The following COL6A2 variants were observed in gnomAD, a reference collection of about 807,000 sequenced individuals.
COL6A2 encodes the protein collagen alpha-2(VI) chain.
A neutral mutation model predicts 124.9 loss-of-function variants in COL6A2; 90 were observed. That is an observed-to-expected ratio of 0.72 (90% confidence interval 0.61 to 0.86). The LOEUF (loss-of-function observed/expected upper bound fraction) is 0.86, where lower values mean the gene tolerates loss of function less well. Ranked by LOEUF, COL6A2 falls within the 40% of genes least tolerant of loss-of-function variation. The pLI, the probability that COL6A2 is intolerant of heterozygous loss-of-function variation, is 0.00. For missense variants in COL6A2, 1,607 were observed against 1,502.5 expected (o/e 1.07, Z -1.15); for synonymous variants, 793 against 618.2 (o/e 1.28, Z -4.19).
chr21:46,124,519 T>TA (rs2078628397), intron 21 of COL6A2, 132 bp from the exon 22 acceptor site: 13 of 785,182 alleles, frequency 1.7e-5, no homozygotes, highest in Non-Finnish European at 2.8e-5. Context: ...AGCCTTGTCT[T>TA]ACTCCTTGCA....
intron 1 of COL6A2, among the ~76,000 whole-genome samples, chr21:46,110,163 C>T (rs2078379522): frequency 6.6e-6 from 1 of 152,210 alleles, no homozygotes; most frequent in Non-Finnish European, 1.5e-5. Context: ...CACCACCCGG[C>T]CCGGCCCCAT....
chr21:46,122,079 A>C, intron 18 of COL6A2, 29 bp from the exon 19 acceptor site: 3 of 1,611,878 alleles, frequency 1.9e-6, no homozygotes, highest in Non-Finnish European at 2.5e-6. Flanking sequence ...TCCTATGACC[A>C]TGCTGACCGA....
chr21:46,126,590 T>C (rs1280213482), intron 27 of COL6A2, 49 bp downstream of exon 27: 1 of 1,608,986 alleles, frequency 6.2e-7, no homozygotes, highest in Non-Finnish European at 8.5e-7. Flanking sequence ...AAAGCAGCCC[T>C]GGTGTCCTTC....
In COL6A2 at chr21:46,125,618, G is replaced by A. The variant is rs2078651031; in HGVS notation, c.1969+1G>A. On this transcript the variant is annotated splice_donor_variant, in intron 25 of 27. Coordinates refer to ENST00000300527, the MANE Select transcript of COL6A2 (RefSeq NM_001849.4). LOFTEE classifies it high-confidence loss of function. Reference sequence around the variant, plus strand: ...GCTAAGGACCCCAAGTCCGAGACAGGTCAGCGGGGCAGGGGCGGGTGCAGC... The same window carrying A: ...GCTAAGGACCCCAAGTCCGAGACAGATCAGCGGGGCAGGGGCGGGTGCAGC... The A allele has an allele frequency of 6.2e-7, 1 of 1,612,266 alleles. No individual in the cohort carries two copies. Among genetic ancestry groups the A allele is most frequent in the South Asian group, 1.1e-5 (1 of 91,042 alleles).
At chr21:46,131,481 C>T (rs1306477593) in intron 27 of COL6A2, among the ~76,000 whole-genome samples, 2 of 152,226 alleles carry the variant, frequency 1.3e-5, no homozygotes, top group African/African-American at 4.8e-5. Flanking sequence ...AGGGACGTGG[C>T]CCAGCCAGCT....
intron 16 of COL6A2, 97 bp downstream of exon 16, chr21:46,120,674 G>C: frequency 8.3e-7 from 1 of 1,205,292 alleles, no homozygotes; most frequent in South Asian, 1.6e-5. Context: ...TGCACCCCAA[G>C]GTAGGGGACC....
chr21:46,121,612 C>T lies in COL6A2; in HGVS notation c.1515C>T (p.Gly505=). Residue 505 remains glycine (G), a synonymous_variant, in exon 18 of 28, where the codon GGC becomes GGT. Coordinates refer to ENST00000300527, the MANE Select transcript of COL6A2 (RefSeq NM_001849.4). The stretch of plus-strand genomic sequence containing the variant: ...CCCGTGGAGACTCAGGACAGCCAGG[C>T]CCCAAGGTACGTGCCCCTCCCCCAG... ...AGPRGDSGQP[G]PKGDPGRPGF... is the part of the protein sequence containing the mutation. The T allele has an allele frequency of 6.2e-7, 1 of 1,612,720 alleles. No homozygotes were observed. Among genetic ancestry groups the T allele is most frequent in the South Asian group, 1.1e-5 (1 of 91,080 alleles).
chr21:46,113,833 A>G, intron 4 of COL6A2, 175 bp from the exon 5 acceptor site: 5 of 685,456 alleles, frequency 7.3e-6, no homozygotes, highest in Non-Finnish European at 1.3e-5. Flanking sequence ...ATGGGGGCAG[A>G]GCCTCACAGC....
chr21:46,112,768 G>A lies in COL6A2; in HGVS notation c.715-36G>A, dbSNP rs779937934. On this transcript the variant is annotated intron_variant, in intron 3 of 27. Coordinates refer to ENST00000300527, the MANE Select transcript of COL6A2 (RefSeq NM_001849.4). ...AGGTGCAGCCGCCCCAGGTCTCGAG[G>A]CACACGGCTAACCAGCATGTCTGTC... The A allele has an allele frequency of 2.5e-6, 4 of 1,613,640 alleles. No individual in the cohort carries two copies. The East Asian group carries it at 6.7e-5, about 27-fold the overall frequency.
rs1357498569 is a variant in COL6A2, at chr21:46,119,818, A to G, written c.1300A>G (p.Ser434Gly). 1 of 1,564,188 alleles carries G rather than the reference A, an allele frequency of 6.4e-7. No homozygotes were observed. The highest frequency in any genetic ancestry group is 8.7e-7 in the Non-Finnish European group (1 of 1,153,896). ...CAGGGGAGACCCCGGCACCAAGGGC[A>G]GCCCAGGCAGCGATGGCCCCAAGGG... is the stretch of plus-strand genomic sequence containing the variant. ...GRRGDPGTKG[S>G]PGSDGPKGEK... Residue 434 changes from serine (S) to glycine (G), a missense_variant, in exon 15 of 28, where the codon AGC becomes GGC. Physicochemically the swap from Ser to Gly is moderately conservative, Grantham distance 56 (BLOSUM62 0). Transcript: ENST00000300527.
intron 24 of COL6A2, 23 bp downstream of exon 24, chr21:46,125,334 G>C: frequency 6.2e-7 from 1 of 1,607,682 alleles, no homozygotes; most frequent in Non-Finnish European, 8.5e-7. Flanking sequence ...CCACGGCAGG[G>C]TCGGGGCCCA....
chr21:46,121,817 C>A (rs1257397934), intron 18 of COL6A2, among the ~76,000 whole-genome samples, 199 bp downstream of exon 18: 1 of 152,144 alleles, frequency 6.6e-6, no homozygotes, highest in East Asian at 1.9e-4. Context: ...TCAGCAGTGA[C>A]CCTTGGGTGT....
At chr21:46,131,357 CAG>C (rs1286975334) in intron 27 of COL6A2, among the ~76,000 whole-genome samples, 4 of 152,320 alleles carry the variant, frequency 2.6e-5, no homozygotes, top group African/African-American at 7.2e-5. Context: ...CACTTGGTAA[CAG>C]AGTCATAGGG....
chr21:46,108,876 T>C (rs1170954511), intron 1 of COL6A2, among the ~76,000 whole-genome samples: 1 of 152,214 alleles, frequency 6.6e-6, no homozygotes, highest in Admixed American at 6.5e-5. Flanking sequence ...CAAGTTCTTG[T>C]CCTGTGTCCA....
At chr21:46,122,073 A>C in intron 18 of COL6A2, 35 bp from the exon 19 acceptor site, 2 of 1,610,346 alleles carry the variant, frequency 1.2e-6, no homozygotes, top group African/African-American at 1.3e-5. Context: ...ACCCCGTCCT[A>C]TGACCATGCT....
Position 46,112,401 on chromosome 21 carries a change from G to A in COL6A2, c.538G>A (p.Ala180Thr). ...CGGIKLQAER[A>T]REEGIRLFAV... ...GGGCATCAAGCTGCAGGCCGAGCGG[G>A]CCCGCGAGGAGGGCATCCGGCTCTT... The change falls in exon 3 of 28, where the codon GCC becomes ACC. Residue 180 changes from alanine to threonine, a missense_variant. Physicochemically the swap from Ala to Thr is moderately conservative, Grantham distance 58 (BLOSUM62 0). Coordinates refer to ENST00000300527, the MANE Select transcript of COL6A2 (RefSeq NM_001849.4). 6.2e-7 allele frequency: 1 copy of A among 1,608,092 alleles called. No homozygotes were observed. The highest frequency in any genetic ancestry group is 8.5e-7 in the Non-Finnish European group (1 of 1,178,986).
chr21:46,103,705 G>T (rs1256068268), intron 1 of COL6A2, among the ~76,000 whole-genome samples: 1 of 152,154 alleles, frequency 6.6e-6, no homozygotes, highest in Non-Finnish European at 1.5e-5. Flanking sequence ...TTTTTTAAAT[G>T]TCCTTGTTGC....
chr21:46,102,991 G>C (rs190597867), intron 1 of COL6A2, among the ~76,000 whole-genome samples: 16 of 152,168 alleles, frequency 1.1e-4, no homozygotes, highest in Admixed American at 3.3e-4. Flanking sequence ...ATTTTGGGAG[G>C]GTTTGGTGTT....
intron 21 of COL6A2, among the ~76,000 whole-genome samples, chr21:46,123,984 G>A (rs1332873081): frequency 1.3e-5 from 2 of 149,900 alleles, no homozygotes; most frequent in South Asian, 2.1e-4. Flanking sequence ...TGAGTGGGGG[G>A]ATGGGTAGGT....
Sources: gnomAD v4.1 joint callset for allele counts (sites outside exome capture counted in the v4.1 genomes callset) on GRCh38, gnomAD v4.1.1 for gene constraint, MANE v1.5 for transcripts, NCBI Gene and HGNC (gene_info 2026-07-23, HGNC 2026-07-21) for gene names.